Variants in TRIO observed in about 807,000 individuals in gnomAD.
TRIO encodes the protein trio Rho guanine nucleotide exchange factor.
TRIO carries 58 observed loss-of-function variants against 351.9 expected under a neutral mutation model. That is an observed-to-expected ratio of 0.16 (90% CI 0.13 to 0.21). The LOEUF (loss-of-function observed/expected upper bound fraction) is 0.21. TRIO is among the 10% of genes least tolerant of loss of function. The probability of loss-of-function intolerance (pLI) is 1.00; values close to 1 mark genes in which losing one functional copy is unlikely to be tolerated. For synonymous variants in TRIO, 1,758 were observed against 1,595.7 expected (o/e 1.10, Z -2.42); for missense variants, 3,201 against 4,027.8 (o/e 0.79, Z 5.56).
At chr5:14,341,471 G>A (rs1451032736) in intron 11 of TRIO, among the ~76,000 whole-genome samples, 1 of 152,180 alleles carries the variant, frequency 6.6e-6, no homozygotes, top group Non-Finnish European at 1.5e-5. Flanking sequence ...TTACCTTTGT[G>A]TTTCCACTAA....
chr5:14,396,555 C>T (rs773908389), intron 28 of TRIO, among the ~76,000 whole-genome samples: 7 of 137,980 alleles, frequency 5.1e-5, no homozygotes, highest in Non-Finnish European at 9.1e-5. Context: ...CTGCAGCCTC[C>T]ACCTCCCAGG....
intron 1 of TRIO, among the ~76,000 whole-genome samples, chr5:14,157,414 C>CCTGTGTCTCCCTCT (rs1788163915): frequency 6.8e-6 from 1 of 146,542 alleles, no homozygotes; most frequent in Non-Finnish European, 1.5e-5. Context: ...CGCCTCCCTC[C>CCTGTGTCTCCCTCT]CTGTGTCTCC....
At chr5:14,456,576 G>A (rs962482411) in intron 34 of TRIO, among the ~76,000 whole-genome samples, 1 of 152,206 alleles carries the variant, frequency 6.6e-6, no homozygotes, top group Non-Finnish European at 1.5e-5. Context: ...GCACAGTGTG[G>A]GTGTCTGGGC....
rs895328538 is a variant in TRIO at position 14,292,921 on chromosome 5, T to A, written c.1054-91T>A. 1.9e-6 allele frequency: 3 copies of A among 1,566,028 alleles called. No individual in the cohort carries two copies. In the Admixed American group the frequency reaches 5.2e-5, roughly 27 times the overall value. On this transcript the variant is annotated intron_variant, in intron 5 of 56. Transcript: ENST00000344204. ...GCTTGAAGTTGTCCAGGGAAGGAAG[T>A]TGCCCTTTCTTGGTACTGCCCCATC...
chr5:14,251,026 C>A (rs534720195), intron 1 of TRIO, among the ~76,000 whole-genome samples: 1 of 152,210 alleles, frequency 6.6e-6, no homozygotes, highest in East Asian at 1.9e-4. Flanking sequence ...TGAATTTGAT[C>A]CCCATTATTT....
chr5:14,409,378 C>CAAA (rs533985839), intron 33 of TRIO, among the ~76,000 whole-genome samples: 162 of 83,972 alleles, frequency 1.9e-3, no homozygotes, highest in African/African-American at 4.6e-3. Flanking sequence ...ATAGGTTTGC[C>CAAA]AAAAAAAAAA....
At chr5:14,330,415 C>A (rs1450762295) in intron 9 of TRIO, among the ~76,000 whole-genome samples, 1 of 152,170 alleles carries the variant, frequency 6.6e-6, no homozygotes, top group Non-Finnish European at 1.5e-5. Flanking sequence ...GTTAAATTGG[C>A]CCTGTGTGAC....
intron 1 of TRIO, among the ~76,000 whole-genome samples, chr5:14,176,437 C>T (rs1476714396): frequency 2.6e-5 from 4 of 152,060 alleles, no homozygotes; most frequent in Non-Finnish European, 2.9e-5. Flanking sequence ...GCCACCGCAC[C>T]CCAGCCTGGG....
chr5:14,207,799 C>A (rs1791639145), intron 1 of TRIO, among the ~76,000 whole-genome samples: 1 of 151,884 alleles, frequency 6.6e-6, no homozygotes, highest in African/African-American at 2.4e-5. Context: ...GATTTTTAAT[C>A]CAGAATATAT....
intron 46 of TRIO, 27 bp downstream of exon 46, chr5:14,482,800 C>T: frequency 1.3e-6 from 2 of 1,510,348 alleles, no homozygotes; most frequent in Non-Finnish European, 1.8e-6. Context: ...TGTGATTTCT[C>T]TGTGCCAGCG....
intron 1 of TRIO, among the ~76,000 whole-genome samples, chr5:14,214,355 AGG>A (rs2152198769): frequency 6.6e-6 from 1 of 152,278 alleles, no homozygotes; most frequent in Admixed American, 6.5e-5. Context: ...CTCTCTTCAC[AGG>A]CAGAGAACCG....
intron 6 of TRIO, among the ~76,000 whole-genome samples, chr5:14,293,484 G>A (rs538556409): frequency 5.9e-5 from 9 of 152,336 alleles, no homozygotes; most frequent in Admixed American, 3.3e-4. Flanking sequence ...TCCCCCAGAC[G>A]GAGCGCTGTC....
chr5:14,399,020 G>A lies in TRIO; in HGVS notation c.4564G>A (p.Val1522Met), dbSNP rs1561441777. 1 of 1,614,038 alleles carries A rather than the reference G, an allele frequency of 6.2e-7. No individual in the cohort carries two copies. Among genetic ancestry groups the A allele is most frequent in the Non-Finnish European group, 8.5e-7 (1 of 1,180,034 alleles). The stretch of plus-strand genomic sequence containing the variant: ...AATGTCCTTAGTATTTAGTAAAGAA[G>A]TGAAAGATTCCAGTGGGAGAAGCAA... ...FEMSLVFSKEVKDSSGRSKYL... is the reference protein window; with the variant it reads ...FEMSLVFSKEMKDSSGRSKYL... Residue 1522 changes from valine (V) to methionine (M), a missense_variant, in exon 30 of 57, where the codon GTG becomes ATG. Val to Met is a conservative substitution (Grantham distance 21). Around this residue, in one of 19 missense-constraint regions of TRIO, gnomAD observed 136 missense variants for 229.5 expected, o/e 0.59. Transcript: ENST00000344204.
chr5:14,311,035 C>G (rs909054783), intron 8 of TRIO, among the ~76,000 whole-genome samples: 2 of 152,228 alleles, frequency 1.3e-5, no homozygotes, highest in Non-Finnish European at 2.9e-5. Flanking sequence ...CGCAGTGTTG[C>G]TGTAGCGACA....
intron 10 of TRIO, among the ~76,000 whole-genome samples, chr5:14,336,068 A>T (rs185757513): frequency 2.2e-4 from 33 of 152,378 alleles, no homozygotes; most frequent in Admixed American, 6.5e-4. Flanking sequence ...AGGGATAGCA[A>T]CTTATGTTTG....
chr5:14,423,171 G>A (rs1750322171), intron 34 of TRIO, among the ~76,000 whole-genome samples: 1 of 152,226 alleles, frequency 6.6e-6, no homozygotes, highest in South Asian at 2.1e-4. Context: ...TGCTCCAGCA[G>A]TCTTATTTGT....
intron 34 of TRIO, among the ~76,000 whole-genome samples, chr5:14,452,231 G>A (rs1051127941): frequency 4.6e-5 from 7 of 152,240 alleles, no homozygotes; most frequent in African/African-American, 4.8e-5. Flanking sequence ...GGCCTGGGGC[G>A]CTTGTCCTTA....
intron 41 of TRIO, 53 bp from the exon 42 acceptor site, chr5:14,479,208 C>T (rs549590526): frequency 1.8e-5 from 26 of 1,469,048 alleles, no homozygotes; most frequent in Non-Finnish European, 2.5e-5. Flanking sequence ...CTCGTGTATT[C>T]TAATCGAATT....
chr5:14,275,626 A>G (rs1735427920), intron 2 of TRIO, among the ~76,000 whole-genome samples: 5 of 150,964 alleles, frequency 3.3e-5, no homozygotes, highest in Non-Finnish European at 7.4e-5. Context: ...AATATGAGCA[A>G]TTCTATTGAT....
Sources: gnomAD v4.1 joint callset for allele counts (sites outside exome capture counted in the v4.1 genomes callset) on GRCh38, gnomAD v4.1.1 for gene constraint, gnomAD v4.1.1 regional missense constraint, MANE v1.5 for transcripts, NCBI Gene and HGNC (gene_info 2026-07-23, HGNC 2026-07-21) for gene names.